The following AKAP13 variants were observed in gnomAD, a reference collection of about 807,000 sequenced individuals.
AKAP13 encodes the protein A-kinase anchor protein 13.
In AKAP13, 80 loss-of-function variants were observed where a neutral mutation model predicts 264.5. The observed-to-expected ratio is 0.30, with a 90% CI of 0.25 to 0.36. AKAP13 has a LOEUF of 0.36. AKAP13 is among the 10% of genes least tolerant of loss of function. The pLI is 1.00. For synonymous variants in AKAP13, 1,380 were observed against 1,250.2 expected, an observed-to-expected ratio of 1.10 and a Z score of -2.19; for missense variants, 3,712 against 3,435.2, an observed-to-expected ratio of 1.08 and a Z score of -2.01.
At position 85,391,486 on chromosome 15, in the gene AKAP13, C is replaced by CTT. The variant is rs759926035; in HGVS notation, c.-12+10703_-12+10704dup. Among the ~76,000 whole-genome samples, 15 of 135,766 alleles carry CTT rather than the reference C, an allele frequency of 1.1e-4. No homozygotes were observed. The East Asian group carries it at 2.3e-3, about 21-fold the overall frequency. 89.1% of individuals were successfully genotyped at this position (135,766 alleles called of 152,430 possible). A position where few individuals can be genotyped will look rare whatever the true frequency, so the allele number is the denominator to read the frequency against. ...ATATTTGTCTTTATTCTTTTCTTTTCTTTTTTTTTTTTTTTTAAGACAGGG... is the reference window on the plus strand; with the variant it reads ...ATATTTGTCTTTATTCTTTTCTTTTCTTTTTTTTTTTTTTTTTTAAGACAGGG... On this transcript the variant is annotated intron_variant, in intron 1 of 36. Coordinates refer to ENST00000394518, the MANE Select transcript of AKAP13 (RefSeq NM_007200.5).
chr15:85,646,946 A>G (rs1242618183), intron 10 of AKAP13, among the ~76,000 whole-genome samples: 1 of 152,228 alleles, frequency 6.6e-6, no homozygotes, highest in Non-Finnish European at 1.5e-5. Flanking sequence ...ATATGCCACA[A>G]GTGGTTTTCT....
intron 2 of AKAP13, among the ~76,000 whole-genome samples, chr15:85,509,957 G>A (rs138096076): frequency 6.6e-6 from 1 of 152,308 alleles, no homozygotes; most frequent in Non-Finnish European, 1.5e-5. Flanking sequence ...TTGAAATCAG[G>A]TGAGAGAGAA....
chr15:85,665,244 T>A (rs1422487273), intron 13 of AKAP13, among the ~76,000 whole-genome samples: 1 of 152,192 alleles, frequency 6.6e-6, no homozygotes, highest in Non-Finnish European at 1.5e-5. Context: ...TTAATCTGCA[T>A]AGATTTAAAT....
At position 85,718,103 on chromosome 15, in the gene AKAP13, G is replaced by T; in HGVS notation, c.5945G>T (p.Ser1982Ile). 6.2e-7 allele frequency: 1 copy of T among 1,614,132 alleles called. No homozygotes were observed. The highest frequency in any genetic ancestry group is 1.3e-5 in the African/African-American group (1 of 75,050). The change falls in exon 22 of 37, where the codon AGC (serine) becomes ATC (isoleucine). Residue 1982 changes from serine (S) to isoleucine (I), a missense_variant. Transcript: ENST00000394518. This position sits in a 1 kb window ranked among gnomAD's most constrained non-coding sequence, Gnocchi z 4.9. The stretch of plus-strand genomic sequence containing the variant: ...GAGTCTTGGAGTCGGATAATAGACA[G>T]CAAGTTTCTAAAACAGCAAAAGAAA... ...EAESWSRIID[S>I]KFLKQQKKDV...
At position 85,575,277 on chromosome 15, in the gene AKAP13, A is replaced by T. The variant is rs1471146928; in HGVS notation, c.809A>T (p.Asp270Val). 6.2e-7 allele frequency: 1 copy of T among 1,614,022 alleles called. No individual in the cohort carries two copies. Among genetic ancestry groups the T allele is most frequent in the Non-Finnish European group, 8.5e-7 (1 of 1,180,042 alleles). ...CATCATGAACACCCATTTCCTGGAG[A>T]CGGTTGCACTGGACCAATTTTTAAA... The part of the protein sequence containing the change: ...DSHHEHPFPG[D>V]GCTGPIFKLM... The change falls in exon 6 of 37, where the codon GAC (aspartate) becomes GTC (valine). Residue 270 changes from aspartate (D) to valine (V), a missense_variant. Transcript: ENST00000394518.
chr15:85,504,487 T>C (rs2076130693), intron 2 of AKAP13, among the ~76,000 whole-genome samples: 1 of 111,870 alleles, frequency 8.9e-6, no homozygotes, highest in Non-Finnish European at 1.7e-5. Flanking sequence ...TGCGATGTGG[T>C]GAGACCCTGT....
intron 1 of AKAP13, chr15:85,389,697 T>C (rs1161931457): frequency 6.6e-6 from 1 of 152,222 alleles, no homozygotes; most frequent in Non-Finnish European, 1.5e-5. Flanking sequence ...TACAAAACAA[T>C]GTAGGTATCT....
Position 85,717,386 on chromosome 15 carries a change from A to G in AKAP13, c.5832A>G (p.Glu1944=). 1 of 1,612,162 alleles carries G rather than the reference A, an allele frequency of 6.2e-7. No homozygotes were observed. The highest frequency in any genetic ancestry group is 8.5e-7 in the Non-Finnish European group (1 of 1,178,692). Residue 1944 remains glutamate, a synonymous_variant, in exon 21 of 37, where the codon GAA becomes GAG. Transcript: ENST00000394518. ...TCAGCAAGGTCAATGAGTCAACAGA[A>G]TCACTTACTGATGAGGGTAAGAGGA... ...NKISKVNEST[E]SLTDEGVGTD...
chr15:85,669,689 T>C (rs375063856), intron 13 of AKAP13, 33 bp from the exon 14 acceptor site: 4 of 1,466,316 alleles, frequency 2.7e-6, no homozygotes, highest in Non-Finnish European at 3.8e-6. Context: ...GAGTATATGC[T>C]TACAACGTGT....
At chr15:85,575,437 A>G in intron 6 of AKAP13, 108 bp downstream of exon 6, 1 of 1,173,606 alleles carries the variant, frequency 8.5e-7, no homozygotes, top group South Asian at 1.3e-5. Flanking sequence ...TAGAACATAA[A>G]AATGCTTTCC....
rs1567038666 is a variant in AKAP13, at chr15:85,399,525, A to AAAAT, written c.-12+18730_-12+18731insTAAA. Among the ~76,000 whole-genome samples, 52 of 102,170 alleles carry AAAAT rather than the reference A, an allele frequency of 5.1e-4. 1 individual carries two copies. The highest frequency in any genetic ancestry group is 7.2e-4 in the Non-Finnish European group (34 of 47,118). The allele number at this position is 102,170 out of a possible 152,430, so 67.0% of individuals were successfully genotyped here. On this transcript the variant is annotated intron_variant, in intron 1 of 36. Transcript: ENST00000394518. ...CTCAAAAAAAAAAAAAAAAAAAATA[A>AAAAT]AAAAATAAAAAAATAAATAAATAAA...
rs1328218864 is a variant in AKAP13 at position 85,579,956 on chromosome 15, A to G, written c.1888A>G (p.Met630Val). 2 of 1,614,198 alleles carry G rather than the reference A, an allele frequency of 1.2e-6. No individual in the cohort carries two copies. The highest frequency in any genetic ancestry group is 1.7e-6 in the Non-Finnish European group (2 of 1,180,022). Reference sequence around the variant, plus strand: ...CCTTCTTGGGCTGGAAGAAGATGTAATGCCACACCAGAACTCAGAAACAAA... The same window carrying G: ...CCTTCTTGGGCTGGAAGAAGATGTAGTGCCACACCAGAACTCAGAAACAAA... ...LALLGLEEDV[M>V]PHQNSETNSS... The change falls in exon 7 of 37, where the codon ATG becomes GTG. Residue 630 changes from methionine to valine, a missense_variant. Met to Val is a conservative substitution (Grantham distance 21). This residue lies in a region of AKAP13 where 2,759 missense variants were observed against 2,411.7 expected (regional missense o/e 1.14). Transcript: ENST00000394518.
chr15:85,733,297 AT>A (rs201479859), intron 30 of AKAP13, among the ~76,000 whole-genome samples: 3 of 151,146 alleles, frequency 2.0e-5, no homozygotes, highest in Non-Finnish European at 3.0e-5. Flanking sequence ...ATGTTGTTTT[AT>A]TTTTTTTTCT....
Position 85,415,195 on chromosome 15 carries a change from C to G in AKAP13, c.-12+34397C>G, listed in dbSNP as rs577154938. 450 of 1,373,922 alleles carry G rather than the reference C, an allele frequency of 3.3e-4. No homozygotes were observed. The African/African-American group carries it at 5.8e-3, about 18-fold the overall frequency. The allele number at this position is 1,373,922 out of a possible 1,614,324, so 85.1% of individuals were successfully genotyped here. ...GCACGCTGCCACGCCGACGCAGACC[C>G]CGCTCTGCACGCCAGCTCGCCCGCA... is the stretch of plus-strand genomic sequence containing the variant. On this transcript the variant is annotated intron_variant, in intron 1 of 36. Transcript: ENST00000394518.
intron 8 of AKAP13, among the ~76,000 whole-genome samples, chr15:85,633,637 G>A (rs1295152054): frequency 2.7e-5 from 4 of 146,852 alleles, no homozygotes; most frequent in Admixed American, 7.0e-5. Context: ...TGAGCCTCCC[G>A]GGTTCACGCC....
At chr15:85,623,810 G>A (rs2081295064) in intron 8 of AKAP13, among the ~76,000 whole-genome samples, 1 of 152,200 alleles carries the variant, frequency 6.6e-6, no homozygotes, top group Admixed American at 6.5e-5. Flanking sequence ...TTTTCTTGAT[G>A]CATGCACTTC....
chr15:85,420,433 A>G (rs549857828), intron 1 of AKAP13, among the ~76,000 whole-genome samples: 12 of 152,114 alleles, frequency 7.9e-5, no homozygotes, highest in Admixed American at 2.0e-4. Context: ...TTGATTTCTT[A>G]TCTTTCCTGC....
chr15:85,671,092 G>C (rs1405327792), intron 14 of AKAP13: 1 of 151,984 alleles, frequency 6.6e-6, no homozygotes, highest in African/African-American at 2.4e-5. Flanking sequence ...GTGTCTCGGA[G>C]GCTGAAGCAA....
At chr15:85,729,103 A>AG (rs1374462705) in intron 29 of AKAP13, among the ~76,000 whole-genome samples, 2 of 152,106 alleles carry the variant, frequency 1.3e-5, no homozygotes, top group Non-Finnish European at 2.9e-5. Context: ...GTTCGAGACC[A>AG]GCCTGACCAA....
Sources: gnomAD v4.1 joint callset for allele counts (sites outside exome capture counted in the v4.1 genomes callset) on GRCh38, gnomAD v4.1.1 for gene constraint, gnomAD v4.1.1 regional missense constraint, Gnocchi (gnomAD v3.1) non-coding constraint, MANE v1.5 for transcripts, NCBI Gene and HGNC (gene_info 2026-07-23, HGNC 2026-07-21) for gene names.